The following SMPD3 variants were observed in gnomAD, a reference collection of about 807,000 sequenced individuals.
SMPD3 encodes nSMase-2.
In SMPD3, 21 loss-of-function variants were observed where a neutral mutation model predicts 55.7. The observed-to-expected ratio is 0.38, with a 90% CI of 0.27 to 0.54. SMPD3 has a LOEUF of 0.54. Among genes scored for constraint, SMPD3 ranks in the 20% least tolerant of loss-of-function variants. The pLI is 0.80. For missense variants in SMPD3, 842 were observed against 899.6 expected, an observed-to-expected ratio of 0.94 and a Z score of 0.82; for synonymous variants, 457 against 404.3, an observed-to-expected ratio of 1.13 and a Z score of -1.56.
chr16:68,411,922 C>T (rs546199843), intron 1 of SMPD3, among the ~76,000 whole-genome samples: 4 of 152,088 alleles, frequency 2.6e-5, no homozygotes, highest in Non-Finnish European at 5.9e-5. Flanking sequence ...GGATCAGCAC[C>T]TGGCCACCCT....
intron 1 of SMPD3, among the ~76,000 whole-genome samples, chr16:68,406,264 G>A (rs772112747): frequency 7.9e-5 from 12 of 152,160 alleles, no homozygotes; most frequent in African/African-American, 1.4e-4. Flanking sequence ...TAATATACAC[G>A]TCAACCTTCT....
intron 1 of SMPD3, among the ~76,000 whole-genome samples, chr16:68,408,841 T>A (rs1597652491): frequency 6.6e-6 from 1 of 152,192 alleles, no homozygotes; most frequent in East Asian, 1.9e-4. Flanking sequence ...CTACTGCCAG[T>A]GTTGGACGAT....
In SMPD3 at chr16:68,363,865, G is replaced by A. The variant is rs754364318; in HGVS notation, c.1557C>T (p.Asp519=). 179 of 1,559,980 alleles carry A rather than the reference G, an allele frequency of 1.1e-4. No individual in the cohort carries two copies. Among genetic ancestry groups the A allele is most frequent in the Non-Finnish European group, 1.5e-4 (174 of 1,151,938 alleles). ...GGGAGTGTTGCTGCTCCAGCTTGTCGTCTGTGCGGGGAGGGAGGAAACGCT... is the reference window on the plus strand; with the variant it reads ...GGGAGTGTTGCTGCTCCAGCTTGTCATCTGTGCGGGGAGGGAGGAAACGCT... ...GDFNFDNCSS[D]DKLEQQHSLF... Residue 519 remains aspartate (D), a splice_region_variant and synonymous_variant, in exon 6 of 9, where the codon GAC becomes GAT. Coordinates refer to ENST00000219334, the MANE Select transcript of SMPD3 (RefSeq NM_018667.4).
At chr16:68,424,877 A>G (rs1296488805) in intron 1 of SMPD3, among the ~76,000 whole-genome samples, 1 of 152,004 alleles carries the variant, frequency 6.6e-6, no homozygotes, top group Admixed American at 6.6e-5. Context: ...TGCCTGGCTA[A>G]TTTTTTGTAT....
At chr16:68,409,618 G>C (rs2090282300) in intron 1 of SMPD3, among the ~76,000 whole-genome samples, 1 of 152,262 alleles carries the variant, frequency 6.6e-6, no homozygotes, top group South Asian at 2.1e-4. Context: ...TTTTGAGACG[G>C]AGTTTCACTC....
intron 1 of SMPD3, among the ~76,000 whole-genome samples, chr16:68,397,740 A>C (rs1026527425): frequency 6.6e-6 from 1 of 152,056 alleles, no homozygotes; most frequent in Non-Finnish European, 1.5e-5. Context: ...TTGCTTGGTC[A>C]GCTCCTCCTC....
At position 68,447,683 on chromosome 16, in the gene SMPD3, T is replaced by G. The variant is rs1200692478; in HGVS notation, c.-269+670A>C. Among the ~76,000 whole-genome samples, 1 of 150,394 alleles carries G rather than the reference T, an allele frequency of 6.6e-6. No individual in the cohort carries two copies. The highest frequency in any genetic ancestry group is 1.5e-5 in the Non-Finnish European group (1 of 67,684). ...GTCTCCCAGCGTTTCCCTGCCACAT[T>G]CCAATTCCACCCTTCACCAGTAACC... is the stretch of plus-strand genomic sequence containing the variant. On this transcript the variant is annotated intron_variant, in intron 1 of 8. Coordinates refer to ENST00000219334, the MANE Select transcript of SMPD3 (RefSeq NM_018667.4). This position sits in a 1 kb window ranked among gnomAD's most constrained non-coding sequence, Gnocchi z 5.1.
chr16:68,418,760 A>T (rs183502835), intron 1 of SMPD3, among the ~76,000 whole-genome samples: 39 of 152,336 alleles, frequency 2.6e-4, no homozygotes, highest in African/African-American at 8.4e-4. Flanking sequence ...GTTCATTTCT[A>T]AAGTAAGCCT....
intron 1 of SMPD3, among the ~76,000 whole-genome samples, chr16:68,396,846 T>C (rs1163669008): frequency 6.6e-6 from 1 of 152,214 alleles, no homozygotes; most frequent in Non-Finnish European, 1.5e-5. Context: ...GACTTGAAAT[T>C]TAAAAGCTGT....
At chr16:68,392,262 C>T (rs1302845971) in intron 1 of SMPD3, among the ~76,000 whole-genome samples, 1 of 151,986 alleles carries the variant, frequency 6.6e-6, no homozygotes, top group Non-Finnish European at 1.5e-5. Flanking sequence ...GAATTTTGAC[C>T]TTTTCTTTTT....
intron 2 of SMPD3, among the ~76,000 whole-genome samples, chr16:68,376,261 C>T (rs1022478743): frequency 2.6e-5 from 4 of 152,244 alleles, no homozygotes; most frequent in Non-Finnish European, 2.9e-5. Context: ...CTCCCTGGCC[C>T]GGGCCTGCTG....
At chr16:68,408,526 G>T (rs1204903703) in intron 1 of SMPD3, among the ~76,000 whole-genome samples, 1 of 152,236 alleles carries the variant, frequency 6.6e-6, no homozygotes, top group Non-Finnish European at 1.5e-5. Context: ...CCTGGGCAAT[G>T]CTGACAGACA....
At chr16:68,387,958 A>C (rs1258017855) in intron 1 of SMPD3, among the ~76,000 whole-genome samples, 4 of 152,180 alleles carry the variant, frequency 2.6e-5, no homozygotes, top group Non-Finnish European at 5.9e-5. Flanking sequence ...TTGCACAGAA[A>C]AGGCTTGGGC....
chr16:68,380,024 GC>G (rs1319453816), intron 2 of SMPD3, among the ~76,000 whole-genome samples: 4 of 152,224 alleles, frequency 2.6e-5, no homozygotes, highest in African/African-American at 9.6e-5. Context: ...GGAGGCATGG[GC>G]CCCATCCTAG....
chr16:68,366,409 G>A (rs1335948796), intron 3 of SMPD3, among the ~76,000 whole-genome samples: 2 of 151,954 alleles, frequency 1.3e-5, no homozygotes, highest in African/African-American at 2.4e-5. Context: ...GGGTACGAAC[G>A]TCTGGCTGTT....
In SMPD3 at chr16:68,372,053, G is replaced by A. The variant is rs776972520; in HGVS notation, c.129C>T (p.Tyr43=). The A allele has an allele frequency of 1.1e-5, 17 of 1,608,550 alleles. 1 individual carries two copies. Among genetic ancestry groups the A allele is most frequent in the South Asian group, 6.7e-5 (6 of 90,098 alleles). ...RLAASFIPTT[Y]EKRQRADDPC... Reference sequence around the variant, plus strand: ...GGTCGTCTGCCCGCTGGCGCTTCTCGTAGGTGGTGGGTATGAAGGAGGCAG... The same window carrying A: ...GGTCGTCTGCCCGCTGGCGCTTCTCATAGGTGGTGGGTATGAAGGAGGCAG... The change falls in exon 3 of 9, where the codon TAC becomes TAT. Residue 43 remains tyrosine, a synonymous_variant. Coordinates refer to ENST00000219334, the MANE Select transcript of SMPD3 (RefSeq NM_018667.4).
At position 68,371,499 on chromosome 16, in the gene SMPD3, G is replaced by A. The variant is rs1400387740; in HGVS notation, c.683C>T (p.Pro228Leu). ...GCTGTCGACAGGGTCCCCAGAGGCT[G>A]GGCCGTTGGCAGCCTCGTCACCGGG... ...RHPGDEAANGPASGDPVDSSS... is the reference protein window; with the variant it reads ...RHPGDEAANGLASGDPVDSSS... Residue 228 changes from proline (P) to leucine (L), a missense_variant, in exon 3 of 9, where the codon CCA becomes CTA. Around this residue, in one of 2 missense-constraint regions of SMPD3, gnomAD observed 649 missense variants for 643.6 expected, o/e 1.01. Transcript: ENST00000219334. The A allele has an allele frequency of 6.3e-7, 1 of 1,599,052 alleles. No homozygotes were observed. Among genetic ancestry groups the A allele is most frequent in the South Asian group, 1.1e-5 (1 of 90,926 alleles).
intron 1 of SMPD3, among the ~76,000 whole-genome samples, chr16:68,442,521 C>T (rs1164832281): frequency 6.6e-6 from 1 of 152,210 alleles, no homozygotes; most frequent in Non-Finnish European, 1.5e-5. Context: ...GAAATCCAGT[C>T]CTCCTTTGAG....
At chr16:68,377,826 C>T (rs1319402596) in intron 2 of SMPD3, among the ~76,000 whole-genome samples, 2 of 152,208 alleles carry the variant, frequency 1.3e-5, no homozygotes, top group Non-Finnish European at 2.9e-5. Flanking sequence ...TGGATCCTGG[C>T]TTTGAATTTG....
Sources: gnomAD v4.1 joint callset for allele counts (sites outside exome capture counted in the v4.1 genomes callset) on GRCh38, gnomAD v4.1.1 for gene constraint, gnomAD v4.1.1 regional missense constraint, Gnocchi (gnomAD v3.1) non-coding constraint, MANE v1.5 for transcripts, NCBI Gene and HGNC (gene_info 2026-07-23, HGNC 2026-07-21) for gene names.